The following NCKAP1L variants were observed in gnomAD, a reference collection of about 807,000 sequenced individuals.
NCKAP1L encodes nck-associated protein 1-like.
In NCKAP1L, 53 loss-of-function variants were observed where a neutral mutation model predicts 139.2. The ratio of observed to expected loss-of-function variants is 0.38; its 90% CI spans 0.31 to 0.48. NCKAP1L has a LOEUF of 0.48. Ranked by LOEUF, NCKAP1L falls within the 20% of genes least tolerant of loss-of-function variation. The pLI is 0.98. For synonymous variants in NCKAP1L, 468 were observed against 499.7 expected (o/e 0.94, Z 0.85); for missense variants, 1,151 against 1,381.9 (o/e 0.83, Z 2.65).
chr12:54,518,838 A>G, intron 14 of NCKAP1L, 76 bp from the exon 15 acceptor site: 2 of 1,502,990 alleles, frequency 1.3e-6, no homozygotes, highest in South Asian at 2.3e-5. Context: ...GTTTTTGAAG[A>G]GGATCTACCA....
intron 10 of NCKAP1L, 41 bp from the exon 11 acceptor site, chr12:54,516,855 G>C (rs192718493): frequency 1.9e-6 from 3 of 1,561,938 alleles, no homozygotes; most frequent in Non-Finnish European, 2.6e-6. Flanking sequence ...GGTTTTTAAG[G>C]GTGGGAGAGG....
At chr12:54,509,518 T>A in intron 5 of NCKAP1L, 151 bp from the exon 6 acceptor site, 3 of 614,768 alleles carry the variant, frequency 4.9e-6, no homozygotes, top group Non-Finnish European at 8.8e-6. Context: ...GAGTGGGGTA[T>A]CTTTATATGT....
chr12:54,519,553 G>T (rs1457946420), intron 16 of NCKAP1L, among the ~76,000 whole-genome samples: 1 of 151,216 alleles, frequency 6.6e-6, no homozygotes, highest in Non-Finnish European at 1.5e-5. Context: ...ACAGGCGAGA[G>T]CCACCAAGCT....
At chr12:54,537,197 T>C (rs1452402634) in intron 29 of NCKAP1L, 144 bp downstream of exon 29, 6 of 546,240 alleles carry the variant, frequency 1.1e-5, no homozygotes, top group Non-Finnish European at 1.3e-5. Flanking sequence ...GAAGCTACTA[T>C]GTGAAAGGCA....
In NCKAP1L at chr12:54,508,397, C is replaced by T; in HGVS notation, c.372C>T (p.Asn124=). The change falls in exon 5 of 31, where the codon AAC becomes AAT. Residue 124 remains asparagine, a synonymous_variant. Transcript: ENST00000293373. ...ATGTATTTTCCTTGTAGAATCTCAA[C>T]TTTGATTTCACTCGGAGTTACCTGG... ...ACQCHFDINL[N]FDFTRSYLDL... The T allele has an allele frequency of 9.3e-6, 15 of 1,614,102 alleles. No individual in the cohort carries two copies. Among genetic ancestry groups the T allele is most frequent in the Non-Finnish European group, 1.2e-5 (14 of 1,179,950 alleles).
In NCKAP1L at chr12:54,506,425, CAG is replaced by C. The variant is rs200454326; in HGVS notation, c.307-1425_307-1424del. On this transcript the variant is annotated intron_variant, in intron 3 of 30. Coordinates refer to ENST00000293373, the MANE Select transcript of NCKAP1L (RefSeq NM_005337.5). Reference sequence around the variant, plus strand: ...ATAAATATATATATATATTTTGAGACAGAGTCTTGCTCTGTCACCCAGGCTGG... The same window carrying C: ...ATAAATATATATATATATTTTGAGACAGTCTTGCTCTGTCACCCAGGCTGG... Among the ~76,000 whole-genome samples, 700 of 151,502 alleles carry C rather than the reference CAG, an allele frequency of 4.6e-3. 17 individuals carry two copies. Among genetic ancestry groups the C allele is most frequent in the East Asian group, 0.041 (208 of 5,130 alleles).
intron 7 of NCKAP1L, 152 bp from the exon 8 acceptor site, chr12:54,511,651 C>T: frequency 1.4e-6 from 1 of 727,266 alleles, no homozygotes; most frequent in Non-Finnish European, 2.3e-6. Flanking sequence ...AAGCTATCCT[C>T]CTGCCCCTGC....
intron 7 of NCKAP1L, 126 bp from the exon 8 acceptor site, chr12:54,511,677 G>T: frequency 1.0e-6 from 1 of 957,570 alleles, no homozygotes; most frequent in South Asian, 1.6e-5. Flanking sequence ...AAAGTGTTGG[G>T]ATTAAAGGCG....
intron 15 of NCKAP1L, 86 bp downstream of exon 15, chr12:54,519,058 T>G (rs1956958137): frequency 1.7e-5 from 26 of 1,554,568 alleles, no homozygotes; most frequent in Non-Finnish European, 2.3e-5. Flanking sequence ...TAAATTTGCT[T>G]TATGGAGTGA....
intron 4 of NCKAP1L, 91 bp from the exon 5 acceptor site, chr12:54,508,298 T>C: frequency 8.1e-7 from 1 of 1,239,878 alleles, no homozygotes; most frequent in Admixed American, 1.9e-5. Flanking sequence ...ACTCGGAATA[T>C]ATTGAGCACT....
intron 18 of NCKAP1L, among the ~76,000 whole-genome samples, chr12:54,522,275 T>A (rs1223367539): frequency 6.6e-6 from 1 of 152,248 alleles, no homozygotes; most frequent in Non-Finnish European, 1.5e-5. Context: ...TTACTCAATA[T>A]GCTTAATCTC....
chr12:54,519,027 A>C, intron 15 of NCKAP1L, 55 bp downstream of exon 15: 2 of 1,566,126 alleles, frequency 1.3e-6, no homozygotes, highest in Non-Finnish European at 1.8e-6. Flanking sequence ...CTCCCCCACA[A>C]TCCCTTCTCT....
At chr12:54,526,845 T>A in intron 21 of NCKAP1L, 99 bp downstream of exon 21, 5 of 930,660 alleles carry the variant, frequency 5.4e-6, no homozygotes, top group Non-Finnish European at 8.4e-6. Context: ...GCTCCCAGGG[T>A]CATAGACTCC....
chr12:54,523,512 A>G lies in NCKAP1L; in HGVS notation c.1997A>G (p.His666Arg), dbSNP rs1157226646. The G allele has an allele frequency of 2.5e-6, 4 of 1,613,928 alleles. No homozygotes were observed. Among genetic ancestry groups the G allele is most frequent in the Non-Finnish European group, 3.4e-6 (4 of 1,179,974 alleles). ...AGGGACAAGCCAGGAGCTGAGAGTC[A>G]CCGGAAGAACCGCAGCATTGTCACC... ...PERDKPGAES[H>R]RKNRSIVTNM... The change falls in exon 19 of 31, where the codon CAC (histidine) becomes CGC (arginine). Residue 666 changes from histidine (H) to arginine (R), a missense_variant. Transcript: ENST00000293373.
intron 30 of NCKAP1L, among the ~76,000 whole-genome samples, chr12:54,541,740 T>C (rs895601215): frequency 6.6e-6 from 1 of 152,160 alleles, no homozygotes; most frequent in Non-Finnish European, 1.5e-5. Flanking sequence ...GTACCAGATA[T>C]ATTGTGGAGA....
chr12:54,504,598 G>C (rs1638258375), intron 3 of NCKAP1L, among the ~76,000 whole-genome samples: 2 of 152,208 alleles, frequency 1.3e-5, no homozygotes, highest in South Asian at 4.1e-4. Context: ...GCTTGTTTAG[G>C]AAAGGAGGGG....
At chr12:54,500,673 CT>C in intron 3 of NCKAP1L, 48 bp downstream of exon 3, 1 of 1,174,934 alleles carries the variant, frequency 8.5e-7, no homozygotes, top group Non-Finnish European at 1.3e-6. Context: ...CTTTCAGAGG[CT>C]ATTCTTTCTT....
chr12:54,508,885 G>A (rs1467662336), intron 5 of NCKAP1L, among the ~76,000 whole-genome samples: 2 of 152,142 alleles, frequency 1.3e-5, no homozygotes, highest in South Asian at 2.1e-4. Flanking sequence ...TGGCATACGT[G>A]GGAGTCTTGG....
chr12:54,521,650 T>C (rs1389280914), intron 18 of NCKAP1L, among the ~76,000 whole-genome samples: 1 of 152,222 alleles, frequency 6.6e-6, no homozygotes, highest in Non-Finnish European at 1.5e-5. Context: ...CTCTGGACAT[T>C]TTGAAGCACC....
Sources: allele counts gnomAD v4.1 joint callset (sites outside exome capture counted in the v4.1 genomes callset), GRCh38; gene constraint gnomAD v4.1.1; transcripts MANE v1.5; gene names NCBI Gene and HGNC (gene_info 2026-07-23, HGNC 2026-07-21).